KSR2: variants seen among roughly 807,000 people sequenced by gnomAD.
KSR2 encodes kinase suppressor of ras 2.
KSR2 carries 25 observed loss-of-function variants against 107.8 expected under a neutral mutation model. That is an observed-to-expected ratio of 0.23 (90% CI 0.17 to 0.32). The LOEUF (loss-of-function observed/expected upper bound fraction) is 0.32, where lower values mean the gene tolerates loss of function less well. Ranked by LOEUF, KSR2 falls within the 10% of genes least tolerant of loss-of-function variation. KSR2 has a pLI of 1.00. For synonymous variants in KSR2, 480 were observed against 507.0 expected (o/e 0.95, Z 0.71); for missense variants, 887 against 1,268.9 (o/e 0.70, Z 4.57).
intron 3 of KSR2, among the ~76,000 whole-genome samples, chr12:117,807,213 A>G (rs536708360): frequency 1.3e-5 from 2 of 152,306 alleles, no homozygotes; most frequent in East Asian, 3.9e-4. Context: ...AAATGAAGCA[A>G]GTGATTCCCG....
intron 3 of KSR2, among the ~76,000 whole-genome samples, chr12:117,772,439 G>GCACA: frequency 1.1e-5 from 1 of 90,532 alleles, no homozygotes; most frequent in Non-Finnish European, 2.1e-5. Flanking sequence ...CCCCAAAGAT[G>GCACA]CACACACACT....
chr12:117,586,629 A>AAAAGAAAGAAAG (rs71450224), intron 5 of KSR2, among the ~76,000 whole-genome samples: 14,450 of 138,264 alleles, frequency 0.1, 923 homozygotes, highest in African/African-American at 0.16. Flanking sequence ...AAAAGAAAGA[A>AAAAGAAAGAAAG]AAAGAAAGAA....
chr12:117,555,221 T>C lies in KSR2; in HGVS notation c.1466A>G (p.Tyr489Cys), dbSNP rs758686580. ...INNPLRKPPR[Y>C]SDLHISQTLP... Reference sequence around the variant, plus strand: ...CGTCTGACTGATGTGCAGGTCTGAATAGCGAGGTGGCTTCCGTAGAGGGTT... The same window carrying C: ...CGTCTGACTGATGTGCAGGTCTGAACAGCGAGGTGGCTTCCGTAGAGGGTT... Residue 489 changes from tyrosine to cysteine, a missense_variant, in exon 9 of 20, where the codon TAT becomes TGT. This residue lies in a region of KSR2 where 60 missense variants were observed against 77.5 expected (regional missense o/e 0.77). Coordinates refer to ENST00000339824, the MANE Select transcript of KSR2 (RefSeq NM_173598.6). 2.5e-6 allele frequency: 4 copies of C among 1,613,822 alleles called. No individual in the cohort carries two copies. The African/African-American group carries it at 5.3e-5, about 22-fold the overall frequency.
intron 1 of KSR2, among the ~76,000 whole-genome samples, chr12:117,930,898 A>G (rs1443951096): frequency 6.6e-6 from 1 of 152,170 alleles, no homozygotes; most frequent in Admixed American, 6.6e-5. Context: ...TGGGCAACAG[A>G]AGAAGACCCT....
At chr12:117,745,000 C>CGGGG (rs1289777670) in intron 4 of KSR2, among the ~76,000 whole-genome samples, 1 of 152,118 alleles carries the variant, frequency 6.6e-6, no homozygotes, top group Non-Finnish European at 1.5e-5. Context: ...CCCAACAAAA[C>CGGGG]TATGAACTAA....
At chr12:117,633,392 C>T (rs368801521) in intron 5 of KSR2, among the ~76,000 whole-genome samples, 1 of 152,332 alleles carries the variant, frequency 6.6e-6, no homozygotes, top group Middle Eastern at 3.4e-3. Flanking sequence ...GTGCGGGTTG[C>T]GCCTTGCCCA....
At chr12:117,508,113 A>G (rs1873811855) in intron 14 of KSR2, among the ~76,000 whole-genome samples, 1 of 152,110 alleles carries the variant, frequency 6.6e-6, no homozygotes. Context: ...TGCTGCCTGT[A>G]TTTTCCTTTG....
chr12:117,948,162 C>T (rs1186499350), intron 1 of KSR2, among the ~76,000 whole-genome samples: 3 of 152,010 alleles, frequency 2.0e-5, no homozygotes, highest in Non-Finnish European at 4.4e-5. Flanking sequence ...TTAAGAATTA[C>T]AATAGGCCAG....
At chr12:117,723,085 G>A (rs1326952975) in intron 4 of KSR2, among the ~76,000 whole-genome samples, 2 of 152,116 alleles carry the variant, frequency 1.3e-5, no homozygotes, top group African/African-American at 2.4e-5. Flanking sequence ...CAGTGGCAGG[G>A]GAGGTTATCA....
At chr12:117,942,436 A>C (rs367585061) in intron 1 of KSR2, among the ~76,000 whole-genome samples, 2 of 151,898 alleles carry the variant, frequency 1.3e-5, no homozygotes, top group East Asian at 1.9e-4. Context: ...CTATCTCCAT[A>C]AGATGAATTT....
chr12:117,595,739 C>CA (rs1880606224), intron 5 of KSR2, among the ~76,000 whole-genome samples: 2 of 152,176 alleles, frequency 1.3e-5, no homozygotes, highest in Admixed American at 1.3e-4. Flanking sequence ...AATTAACTGA[C>CA]AGACAATACT....
intron 7 of KSR2, among the ~76,000 whole-genome samples, chr12:117,578,558 C>T (rs941106268): frequency 4.2e-5 from 6 of 144,268 alleles, no homozygotes; most frequent in Non-Finnish European, 9.0e-5. Context: ...GCCAAGATCA[C>T]ACCACTGCAC....
intron 7 of KSR2, among the ~76,000 whole-genome samples, chr12:117,569,661 G>A (rs369763521): frequency 1.4e-4 from 22 of 152,242 alleles, no homozygotes; most frequent in African/African-American, 4.6e-4. Flanking sequence ...AGGCCTGACC[G>A]AAGGGTTTCT....
intron 14 of KSR2, among the ~76,000 whole-genome samples, chr12:117,491,220 C>A (rs776362121): frequency 2.0e-5 from 3 of 152,162 alleles, no homozygotes; most frequent in African/African-American, 7.2e-5. Context: ...CACTGTGTCA[C>A]CCAGGCTGGA....
intron 14 of KSR2, among the ~76,000 whole-genome samples, chr12:117,486,615 T>C (rs2137145431): frequency 6.6e-6 from 1 of 152,348 alleles, no homozygotes; most frequent in South Asian, 2.1e-4. Flanking sequence ...GCTAAAATAC[T>C]CCTGGCATTG....
At chr12:117,875,764 C>T (rs534817078) in intron 1 of KSR2, among the ~76,000 whole-genome samples, 1 of 152,292 alleles carries the variant, frequency 6.6e-6, no homozygotes, top group East Asian at 1.9e-4. Flanking sequence ...AAGCTCCTCT[C>T]AATGCCACCA....
chr12:117,789,717 C>T (rs1475308316), intron 3 of KSR2, among the ~76,000 whole-genome samples: 5 of 152,188 alleles, frequency 3.3e-5, no homozygotes, highest in Non-Finnish European at 7.4e-5. Context: ...TTGAGGGAAG[C>T]CCCTCCCCTC....
At chr12:117,621,500 T>C (rs1364141421) in intron 5 of KSR2, among the ~76,000 whole-genome samples, 3 of 152,114 alleles carry the variant, frequency 2.0e-5, no homozygotes, top group African/African-American at 7.2e-5. Flanking sequence ...ATCAGTAGCA[T>C]GAGGATAAAT....
At chr12:117,732,171 C>G (rs1037276524) in intron 4 of KSR2, among the ~76,000 whole-genome samples, 2 of 152,126 alleles carry the variant, frequency 1.3e-5, no homozygotes, top group African/African-American at 4.8e-5. Context: ...GTGGTAACTG[C>G]TAAAATTGTG....
Sources: gnomAD v4.1 joint callset for allele counts (sites outside exome capture counted in the v4.1 genomes callset) on GRCh38, gnomAD v4.1.1 for gene constraint, gnomAD v4.1.1 regional missense constraint, MANE v1.5 for transcripts, NCBI Gene and HGNC (gene_info 2026-07-23, HGNC 2026-07-21) for gene names.